The following DLG2 variants were observed in gnomAD, a reference collection of about 807,000 sequenced individuals.
DLG2 encodes disks large homolog 2.
In DLG2, 45 loss-of-function variants were observed where a neutral mutation model predicts 132.5. That is an observed-to-expected ratio of 0.34 (90% CI 0.27 to 0.44). The LOEUF (loss-of-function observed/expected upper bound fraction) is 0.44. DLG2 is among the 20% of genes least tolerant of loss of function. DLG2 has a pLI of 1.00. For synonymous variants in DLG2, 424 were observed against 419.6 expected, an observed-to-expected ratio of 1.01 and a Z score of -0.13; for missense variants, 1,045 against 1,196.9, an observed-to-expected ratio of 0.87 and a Z score of 1.87.
chr11:84,964,455 T>C (rs990265698), intron 6 of DLG2, among the ~76,000 whole-genome samples: 11 of 152,084 alleles, frequency 7.2e-5, no homozygotes, highest in East Asian at 5.8e-4. Flanking sequence ...AAAGCTATAA[T>C]GTAGCCACTA....
At chr11:84,973,437 G>A (rs1203178169) in intron 6 of DLG2, among the ~76,000 whole-genome samples, 1 of 152,252 alleles carries the variant, frequency 6.6e-6, no homozygotes, top group Admixed American at 6.5e-5. Flanking sequence ...TGGCCAGCAG[G>A]TATTTCGTTG....
At chr11:85,072,759 G>A (rs1406863173) in intron 6 of DLG2, among the ~76,000 whole-genome samples, 2 of 151,846 alleles carry the variant, frequency 1.3e-5, no homozygotes, top group African/African-American at 4.8e-5. Context: ...GTTGCAAAGA[G>A]TAGGCTGCAT....
intron 3 of DLG2, among the ~76,000 whole-genome samples, chr11:85,342,995 G>T (rs1236272913): frequency 1.3e-5 from 2 of 152,086 alleles, no homozygotes; most frequent in Non-Finnish European, 2.9e-5. Context: ...TCTCTAAAAA[G>T]TAGTTCTCCC....
At position 84,310,054 on chromosome 11, in the gene DLG2, C is replaced by A. The variant is rs2154387172; in HGVS notation, c.520-58763G>T. ...TCAGAGACCCAACTCACTCAGGGTTCCTGAGACCAGAAAATAAAGTAGGCT... is the reference window on the plus strand; with the variant it reads ...TCAGAGACCCAACTCACTCAGGGTTACTGAGACCAGAAAATAAAGTAGGCT... On this transcript the variant is annotated intron_variant, in intron 7 of 27. Coordinates refer to ENST00000376104, the MANE Select transcript of DLG2 (RefSeq NM_001142699.3). Among the ~76,000 whole-genome samples, 2 of 152,224 alleles carry A rather than the reference C, an allele frequency of 1.3e-5. 1 individual carries two copies. Among genetic ancestry groups the A allele is most frequent in the South Asian group, 4.2e-4 (2 of 4,804 alleles).
intron 7 of DLG2, among the ~76,000 whole-genome samples, chr11:84,479,105 C>A (rs758057811): frequency 1.3e-5 from 2 of 152,066 alleles, no homozygotes; most frequent in African/African-American, 2.4e-5. Context: ...AAAGTGACTT[C>A]TTTAATAATG....
At chr11:85,215,282 T>A (rs1193893795) in intron 4 of DLG2, among the ~76,000 whole-genome samples, 1 of 152,232 alleles carries the variant, frequency 6.6e-6, no homozygotes, top group Non-Finnish European at 1.5e-5. Context: ...GGGTGCTTAC[T>A]AATTTTTTGC....
intron 6 of DLG2, among the ~76,000 whole-genome samples, chr11:85,055,309 A>C (rs1419851581): frequency 2.0e-5 from 3 of 152,204 alleles, no homozygotes; most frequent in African/African-American, 4.8e-5. Context: ...ACTAATTTAT[A>C]ACATTCTCTT....
chr11:83,703,351 T>TA (rs1368865628), intron 18 of DLG2, among the ~76,000 whole-genome samples: 1 of 152,058 alleles, frequency 6.6e-6, no homozygotes, highest in African/African-American at 2.4e-5. Flanking sequence ...AGAGTACACA[T>TA]AAAAATTTCA....
At chr11:85,483,692 C>A (rs1174885123) in intron 3 of DLG2, among the ~76,000 whole-genome samples, 1 of 151,770 alleles carries the variant, frequency 6.6e-6, no homozygotes, top group East Asian at 1.9e-4. Flanking sequence ...ACCTATAATC[C>A]CAGAACTTTG....
At chr11:84,478,489 T>C (rs764279514) in intron 7 of DLG2, among the ~76,000 whole-genome samples, 5 of 152,058 alleles carry the variant, frequency 3.3e-5, no homozygotes, top group Non-Finnish European at 5.9e-5. Context: ...CAATCCCTAT[T>C]TGTAGGGATG....
intron 4 of DLG2, among the ~76,000 whole-genome samples, chr11:85,208,613 G>A (rs947940459): frequency 6.6e-6 from 1 of 152,008 alleles, no homozygotes; most frequent in Admixed American, 6.6e-5. Context: ...ATTTTCCCTG[G>A]ATCAGCCCCA....
intron 18 of DLG2, among the ~76,000 whole-genome samples, chr11:83,711,558 C>T (rs988246001): frequency 6.6e-6 from 1 of 152,294 alleles, no homozygotes; most frequent in East Asian, 1.9e-4. Context: ...ACACACTTGG[C>T]ACCTCAGGCT....
intron 3 of DLG2, among the ~76,000 whole-genome samples, chr11:85,561,629 A>T (rs2077250984): frequency 6.6e-6 from 1 of 151,812 alleles, no homozygotes; most frequent in Non-Finnish European, 1.5e-5. Context: ...ATAAAAGTAG[A>T]CTTGTCAAAT....
intron 6 of DLG2, among the ~76,000 whole-genome samples, chr11:84,912,238 C>A (rs758552817): frequency 2.0e-5 from 3 of 152,202 alleles, no homozygotes; most frequent in Admixed American, 2.0e-4. Flanking sequence ...TCACTGCAAG[C>A]GCCACCTCCT....
chr11:85,033,741 T>C (rs1030042685), intron 6 of DLG2, among the ~76,000 whole-genome samples: 2 of 152,188 alleles, frequency 1.3e-5, no homozygotes, highest in Non-Finnish European at 2.9e-5. Context: ...GGAAAACTAT[T>C]TGAAATATTT....
At chr11:85,188,958 A>T (rs962657895) in intron 4 of DLG2, among the ~76,000 whole-genome samples, 30 of 152,204 alleles carry the variant, frequency 2.0e-4, no homozygotes, top group African/African-American at 7.2e-4. Context: ...TTAAAATTTG[A>T]TAAAAACTGC....
At chr11:84,889,354 AG>A (rs1288647908) in intron 6 of DLG2, among the ~76,000 whole-genome samples, 8 of 152,240 alleles carry the variant, frequency 5.3e-5, no homozygotes, top group African/African-American at 1.9e-4. Flanking sequence ...CTTCATGGTG[AG>A]GGGGAGATTT....
chr11:84,854,057 T>C (rs2082475552), intron 6 of DLG2, among the ~76,000 whole-genome samples: 1 of 152,032 alleles, frequency 6.6e-6, no homozygotes, highest in Non-Finnish European at 1.5e-5. Context: ...AGACTCATAA[T>C]ACTGGGGATT....
chr11:84,431,301 A>G (rs558246674), intron 7 of DLG2, among the ~76,000 whole-genome samples: 3 of 152,158 alleles, frequency 2.0e-5, no homozygotes, highest in Non-Finnish European at 4.4e-5. Flanking sequence ...ATCATACAGG[A>G]TGTCTAATCA....
Sources: allele counts gnomAD v4.1 joint callset (sites outside exome capture counted in the v4.1 genomes callset), GRCh38; gene constraint gnomAD v4.1.1; transcripts MANE v1.5; gene names NCBI Gene and HGNC (gene_info 2026-07-23, HGNC 2026-07-21).